Variants in NEDD1 observed in about 807,000 individuals in gnomAD.
NEDD1 encodes the protein protein NEDD1.
NEDD1 carries 33 observed loss-of-function variants against 74.0 expected under a neutral mutation model. That is an observed-to-expected ratio of 0.45 (90% confidence interval 0.34 to 0.60). The LOEUF is 0.60. Among genes scored for constraint, NEDD1 ranks in the 20% least tolerant of loss-of-function variants. The pLI, the probability that NEDD1 is intolerant of heterozygous loss-of-function variation, is 0.01. For synonymous variants in NEDD1, 250 were observed against 264.4 expected (o/e 0.95, Z 0.53); for missense variants, 746 against 776.5 (o/e 0.96, Z 0.47).
intron 4 of NEDD1, 104 bp downstream of exon 4, chr12:96,912,921 C>T (rs1343556672): frequency 5.0e-6 from 3 of 601,948 alleles, no homozygotes; most frequent in African/African-American, 1.9e-5. Flanking sequence ...TTTTTAAAAG[C>T]ATTATTTTTA....
chr12:96,918,905 T>C (rs562568976), intron 5 of NEDD1, among the ~76,000 whole-genome samples: 1 of 152,218 alleles, frequency 6.6e-6, no homozygotes, highest in Admixed American at 6.5e-5. Flanking sequence ...AGATAGCAAG[T>C]GTTCCTTGGT....
chr12:96,931,429 G>T (rs1211340664), intron 6 of NEDD1, among the ~76,000 whole-genome samples: 1 of 152,164 alleles, frequency 6.6e-6, no homozygotes, highest in Non-Finnish European at 1.5e-5. Context: ...CAATGTAAGA[G>T]CAGTTGCAAA....
chr12:96,926,087 A>G (rs1388032745), intron 6 of NEDD1, among the ~76,000 whole-genome samples: 5 of 151,800 alleles, frequency 3.3e-5, no homozygotes, highest in Non-Finnish European at 5.9e-5. Flanking sequence ...ATTGCCTACC[A>G]TTTGGTAAGA....
chr12:96,928,110 G>A (rs1360617215), intron 6 of NEDD1, among the ~76,000 whole-genome samples: 1 of 152,006 alleles, frequency 6.6e-6, no homozygotes, highest in Non-Finnish European at 1.5e-5. Flanking sequence ...ATTTTCTTCA[G>A]TAGAAAGCTA....
intron 14 of NEDD1, among the ~76,000 whole-genome samples, chr12:96,948,344 C>G (rs941846024): frequency 1.2e-4 from 19 of 152,108 alleles, no homozygotes; most frequent in Non-Finnish European, 2.9e-5. Flanking sequence ...GAATTCTAAA[C>G]TATCAAGCAG....
At chr12:96,944,348 G>GTTT (rs1198670427) in intron 12 of NEDD1, among the ~76,000 whole-genome samples, 3 of 151,904 alleles carry the variant, frequency 2.0e-5, no homozygotes, top group Non-Finnish European at 2.9e-5. Flanking sequence ...CATGCATGGT[G>GTTT]TTTTTGTTTT....
rs548548787 is a variant in NEDD1 at position 96,917,748 on chromosome 12, T to TA, written c.348+19dup. Reference sequence around the variant, plus strand: ...CATCGATCTCTTAAGGTAAGCAATTTAAAAAAAATCTTCATGAAAAAATGG... The same window carrying TA: ...CATCGATCTCTTAAGGTAAGCAATTTAAAAAAAAATCTTCATGAAAAAATGG... On this transcript the variant is annotated intron_variant, in intron 5 of 15. Transcript: ENST00000266742. 4.9e-3 allele frequency: 7,559 copies of TA among 1,539,928 alleles called. 27 individuals are homozygous for TA. The highest frequency in any genetic ancestry group is 5.8e-3 in the Non-Finnish European group (6,700 of 1,155,458).
In NEDD1 at chr12:96,936,637, C is replaced by G; in HGVS notation, c.746C>G (p.Thr249Ser). ...KKLVKTLVAD[T>S]PLTAVDFMPD... ...CTAGTGAAAACTTTAGTGGCTGACA[C>G]TCCTCTAACTGCGGTAGATTTCATG... Residue 249 changes from threonine (T) to serine (S), a missense_variant, in exon 8 of 16, where the codon ACT (threonine) becomes AGT (serine). This residue lies in a region of NEDD1 where 706 missense variants were observed against 706.7 expected (regional missense o/e 1.00). Coordinates refer to ENST00000266742, the MANE Select transcript of NEDD1 (RefSeq NM_152905.4). The G allele has an allele frequency of 1.2e-6, 2 of 1,613,606 alleles. No individual in the cohort carries two copies. The highest frequency in any genetic ancestry group is 1.3e-5 in the African/African-American group (1 of 75,038).
At chr12:96,934,911 G>A in intron 6 of NEDD1, 65 bp from the exon 7 acceptor site, 1 of 1,025,734 alleles carries the variant, frequency 9.7e-7, no homozygotes, top group Middle Eastern at 2.1e-4. Flanking sequence ...TAATTTATAT[G>A]GCTTATATCA....
intron 13 of NEDD1, among the ~76,000 whole-genome samples, 167 bp from the exon 14 acceptor site, chr12:96,945,526 A>G (rs1878107340): frequency 6.6e-6 from 1 of 152,132 alleles, no homozygotes; most frequent in African/African-American, 2.4e-5. Context: ...ATAATGTTAT[A>G]GAAAGTTTCT....
chr12:96,915,795 A>G (rs1565786932), intron 4 of NEDD1, among the ~76,000 whole-genome samples: 1 of 152,236 alleles, frequency 6.6e-6, no homozygotes, highest in Non-Finnish European at 1.5e-5. Flanking sequence ...AAGATGGAGC[A>G]TGGATATGGG....
intron 6 of NEDD1, among the ~76,000 whole-genome samples, chr12:96,931,580 T>C (rs1044796343): frequency 1.3e-5 from 2 of 152,166 alleles, no homozygotes; most frequent in African/African-American, 4.8e-5. Context: ...TGAATTACAA[T>C]TTTTTTCATA....
intron 4 of NEDD1, 84 bp from the exon 5 acceptor site, chr12:96,917,537 T>G (rs963078947): frequency 7.3e-7 from 1 of 1,365,538 alleles, no homozygotes; most frequent in African/African-American, 1.5e-5. Flanking sequence ...ATTTATCATA[T>G]GCTTACTAAG....
chr12:96,917,742 G>A lies in NEDD1; in HGVS notation c.348+5G>A, dbSNP rs757704584. On this transcript the variant is annotated splice_donor_5th_base_variant and intron_variant, in intron 5 of 15. Transcript: ENST00000266742. ...AGAGTTCATCGATCTCTTAAGGTAA[G>A]CAATTTAAAAAAAATCTTCATGAAA... is the stretch of plus-strand genomic sequence containing the variant. 1.3e-6 allele frequency: 2 copies of A among 1,541,312 alleles called. No homozygotes were observed. The highest frequency in any genetic ancestry group is 8.6e-7 in the Non-Finnish European group (1 of 1,156,442).
intron 3 of NEDD1, 27 bp downstream of exon 3, chr12:96,909,922 A>G (rs750095362): frequency 6.3e-6 from 10 of 1,590,056 alleles, no homozygotes; most frequent in Admixed American, 1.8e-5. Context: ...AAAAACACAC[A>G]CACACACACA....
intron 9 of NEDD1, 43 bp downstream of exon 9, chr12:96,937,436 T>G (rs1303250521): frequency 1.8e-6 from 2 of 1,107,638 alleles, no homozygotes; most frequent in Non-Finnish European, 2.4e-6. Context: ...GTTTGTTTTT[T>G]TTTTGTTTTT....
chr12:96,943,119 G>A lies in NEDD1; in HGVS notation c.1295-441G>A, dbSNP rs532681388. ...AAGCAAGTTACTAGGTCCAAGCCAC[G>A]TTCAAAGGGAGGAGATTACCCAAGG... On this transcript the variant is annotated intron_variant, in intron 11 of 15. Coordinates refer to ENST00000266742, the MANE Select transcript of NEDD1 (RefSeq NM_152905.4). 5.3e-5 allele frequency among the ~76,000 whole-genome samples: 8 copies of A among 152,128 alleles called. No homozygotes were observed. In the East Asian group the frequency reaches 1.4e-3, roughly 26 times the overall value.
intron 13 of NEDD1, among the ~76,000 whole-genome samples, chr12:96,945,083 G>A (rs1285559417): frequency 2.0e-5 from 3 of 151,874 alleles, no homozygotes; most frequent in Non-Finnish European, 4.4e-5. Flanking sequence ...TTTGAAAAGG[G>A]TTGGTTAACT....
chr12:96,940,639 C>A, intron 10 of NEDD1, 102 bp downstream of exon 10: 1 of 742,262 alleles, frequency 1.3e-6, no homozygotes, highest in Non-Finnish European at 2.1e-6. Flanking sequence ...ATTCACGGAT[C>A]AGTTTGCTAA....
Sources: allele counts gnomAD v4.1 joint callset (sites outside exome capture counted in the v4.1 genomes callset), GRCh38; gene constraint gnomAD v4.1.1; regional missense constraint gnomAD v4.1.1; transcripts MANE v1.5; gene names NCBI Gene and HGNC (gene_info 2026-07-23, HGNC 2026-07-21).